Variants in TULP4 observed in about 807,000 individuals in gnomAD.
The protein encoded by TULP4 is TUB like protein 4, also known as tubby-related protein 4.
A neutral mutation model predicts 129.0 loss-of-function variants in TULP4; 16 were observed. The observed-to-expected ratio is 0.12, with a 90% CI of 0.08 to 0.19. The LOEUF (loss-of-function observed/expected upper bound fraction) is 0.19. TULP4 is among the 10% of genes least tolerant of loss of function. The probability of loss-of-function intolerance (pLI) is 1.00; values close to 1 mark genes in which losing one functional copy is unlikely to be tolerated. For missense variants in TULP4, 1,842 were observed against 2,059.1 expected (o/e 0.89, Z 2.04); for synonymous variants, 998 against 854.0 (o/e 1.17, Z -2.94).
At chr6:158,392,799 T>TG (rs1777616995) in intron 1 of TULP4, among the ~76,000 whole-genome samples, 1 of 98,824 alleles carries the variant, frequency 1.0e-5, no homozygotes, top group Non-Finnish European at 2.0e-5. Flanking sequence ...TATTTCTTTT[T>TG]TTTTTTTTTT....
chr6:158,498,448 C>T (rs535072740), intron 11 of TULP4, among the ~76,000 whole-genome samples: 29 of 152,332 alleles, frequency 1.9e-4, no homozygotes, highest in Admixed American at 1.4e-3. Context: ...CAAGCTAGAC[C>T]GGGAATCTGC....
upstream of TULP4, among the ~76,000 whole-genome samples, chr6:158,311,033 GCTT>G (rs1408392300): frequency 2.6e-5 from 4 of 151,938 alleles, no homozygotes; most frequent in Non-Finnish European, 5.9e-5. Flanking sequence ...GTGTTAAAGA[GCTT>G]GCAGTTTGAC....
intron 1 of TULP4, among the ~76,000 whole-genome samples, chr6:158,381,553 C>T (rs1777325850): frequency 6.6e-6 from 1 of 152,168 alleles, no homozygotes; most frequent in Admixed American, 6.5e-5. Context: ...CTGGAGAATT[C>T]ATTATGGACC....
At chr6:158,472,024 A>G (rs1201857849) in intron 6 of TULP4, among the ~76,000 whole-genome samples, 2 of 152,138 alleles carry the variant, frequency 1.3e-5, no homozygotes, top group Non-Finnish European at 2.9e-5. Flanking sequence ...TGTTCCTTCT[A>G]CAGGGAATGT....
At position 158,502,687 on chromosome 6, in the gene TULP4, C is replaced by A. The variant is rs765470773; in HGVS notation, c.3024C>A (p.Pro1008=). 3 of 1,556,652 alleles carry A rather than the reference C, an allele frequency of 1.9e-6. No homozygotes were observed. The highest frequency in any genetic ancestry group is 1.8e-5 in the Admixed American group (1 of 56,308). ...AGCTGGCCGACAGCCCGCGGGCCCC[C>A]CTGCAGCCCCTGGCCAAGTCCAAGG... ...MAQLADSPRA[P]LQPLAKSKGG... is the part of the protein sequence containing the mutation. Residue 1008 remains proline, a synonymous_variant, in exon 13 of 14, where the codon CCC becomes CCA. Coordinates refer to ENST00000367097, the MANE Select transcript of TULP4 (RefSeq NM_020245.5).
intron 1 of TULP4, among the ~76,000 whole-genome samples, chr6:158,399,714 T>C (rs1285434796): frequency 6.6e-6 from 1 of 152,266 alleles, no homozygotes; most frequent in Non-Finnish European, 1.5e-5. Context: ...GTTTTTGTTT[T>C]ATTTCTCACA....
At chr6:158,428,346 A>T (rs1274117794) in intron 2 of TULP4, 2 of 152,216 alleles carry the variant, frequency 1.3e-5, no homozygotes, top group East Asian at 3.9e-4. Context: ...CCAGAGACGC[A>T]CATTACCAAA....
At chr6:158,438,566 A>AGTTT (rs140886476) in intron 3 of TULP4, among the ~76,000 whole-genome samples, 45,308 of 141,696 alleles carry the variant, frequency 0.32, 7,027 homozygotes, top group Admixed American at 0.39. Context: ...AAAACACCAC[A>AGTTT]GTTTGTTTGT....
At chr6:158,463,239 T>G (rs1398201998) in intron 6 of TULP4, among the ~76,000 whole-genome samples, 2 of 152,254 alleles carry the variant, frequency 1.3e-5, no homozygotes, top group Non-Finnish European at 2.9e-5. Context: ...CCTTTACATT[T>G]TAACTAAATT....
At chr6:158,395,594 AAAGG>A (rs1215707067) in intron 1 of TULP4, among the ~76,000 whole-genome samples, 1 of 144,110 alleles carries the variant, frequency 6.9e-6, no homozygotes, top group African/African-American at 2.6e-5. Flanking sequence ...AAAAAAAAAA[AAAGG>A]AAGACCTGAT....
In TULP4 at chr6:158,413,411, G is replaced by A. The variant is rs1246392247; in HGVS notation, c.381+218G>A. Among the ~76,000 whole-genome samples the A allele has an allele frequency of 6.6e-5, 10 of 152,208 alleles. No individual in the cohort carries two copies. The highest frequency in any genetic ancestry group is 5.2e-4 in the Admixed American group (8 of 15,286). ...ATGCCCCCTTTTCAACCATGCTGCT[G>A]TTGTGAGAACTCTCCAACTTTCAAA... On this transcript the variant is annotated intron_variant, in intron 2 of 13. Coordinates refer to ENST00000367097, the MANE Select transcript of TULP4 (RefSeq NM_020245.5). The surrounding 1 kb of genome is among the most constrained non-coding windows in gnomAD (Gnocchi z 4.9).
At chr6:158,283,488 G>A (rs776831548) in intron 1 of TULP4, among the ~76,000 whole-genome samples, 12 of 152,160 alleles carry the variant, frequency 7.9e-5, no homozygotes, top group Non-Finnish European at 1.3e-4. Context: ...AGAGCACAGC[G>A]TCCCCTTCAT....
At chr6:158,377,596 C>T (rs1445272669) in intron 1 of TULP4, among the ~76,000 whole-genome samples, 1 of 152,184 alleles carries the variant, frequency 6.6e-6, no homozygotes, top group Admixed American at 6.5e-5. Flanking sequence ...GTGCTAGACA[C>T]TATGCTGAGT....
Position 158,503,527 on chromosome 6 carries a change from G to A in TULP4, c.3864G>A (p.Glu1288=). The A allele has an allele frequency of 6.2e-7, 1 of 1,613,950 alleles. No individual in the cohort carries two copies. Reference sequence around the variant, plus strand: ...CCCCAAAGCCACACTTGGTGGTGGAGAAGCCCCTTGTGTCCCCACCACCTG... The same window carrying A: ...CCCCAAAGCCACACTTGGTGGTGGAAAAGCCCCTTGTGTCCCCACCACCTG... The part of the protein sequence containing the change: ...TLPPKPHLVV[E]KPLVSPPPAD... Residue 1288 remains glutamate, a synonymous_variant, in exon 13 of 14, where the codon GAG becomes GAA. Transcript: ENST00000367097. This position sits in a 1 kb window ranked among gnomAD's most constrained non-coding sequence, Gnocchi z 4.3.
intron 1 of TULP4, among the ~76,000 whole-genome samples, chr6:158,285,292 TTATTAAC>T (rs1778816874): frequency 6.6e-6 from 1 of 152,190 alleles, no homozygotes; most frequent in Non-Finnish European, 1.5e-5. Context: ...AATATGTTGT[TTATTAAC>T]AATAAACAAC....
At chr6:158,295,000 C>T (rs970578571) in intron 1 of TULP4, among the ~76,000 whole-genome samples, 2 of 152,180 alleles carry the variant, frequency 1.3e-5, no homozygotes, top group Non-Finnish European at 2.9e-5. Context: ...CATGAGCCAC[C>T]TTGCCTGGCT....
At chr6:158,424,274 T>G (rs1335595259) in intron 2 of TULP4, among the ~76,000 whole-genome samples, 1 of 152,174 alleles carries the variant, frequency 6.6e-6, no homozygotes, top group East Asian at 1.9e-4. Flanking sequence ...TTACTTATTT[T>G]GAGATGGAGT....
intron 2 of TULP4, among the ~76,000 whole-genome samples, chr6:158,429,088 T>A (rs1778570043): frequency 6.6e-6 from 1 of 152,168 alleles, no homozygotes; most frequent in Admixed American, 6.5e-5. Context: ...GCTCAAGGAA[T>A]CCTCCCACCT....
Position 158,452,229 on chromosome 6 carries a change from G to T in TULP4, c.820G>T (p.Asp274Tyr). 2 of 1,614,146 alleles carry T rather than the reference G, an allele frequency of 1.2e-6. No homozygotes were observed. The highest frequency in any genetic ancestry group is 2.2e-5 in the East Asian group (1 of 44,882). ...AGACATCAGCTTAATGAACAACTACGATGACTTGTCTCCCACGGTCATCCG... is the reference window on the plus strand; with the variant it reads ...AGACATCAGCTTAATGAACAACTACTATGACTTGTCTCCCACGGTCATCCG... Reference protein sequence around the residue: ...SGDISLMNNYDDLSPTVIRSG... With the variant: ...SGDISLMNNYYDLSPTVIRSG... Residue 274 changes from aspartate to tyrosine, a missense_variant, in exon 5 of 14, where the codon GAT (aspartate) becomes TAT (tyrosine). This residue lies in a region of TULP4 where 456 missense variants were observed against 534.3 expected (regional missense o/e 0.85). Transcript: ENST00000367097.
Sources: gnomAD v4.1 joint callset for allele counts (sites outside exome capture counted in the v4.1 genomes callset) on GRCh38, gnomAD v4.1.1 for gene constraint, gnomAD v4.1.1 regional missense constraint, Gnocchi (gnomAD v3.1) non-coding constraint, MANE v1.5 for transcripts, NCBI Gene and HGNC (gene_info 2026-07-23, HGNC 2026-07-21) for gene names.